Variants in SGCZ observed in about 807,000 individuals in gnomAD.
The protein encoded by SGCZ is zeta-sarcoglycan.
A neutral mutation model predicts 41.3 loss-of-function variants in SGCZ; 40 were observed. That is an observed-to-expected ratio of 0.97 (90% CI 0.75 to 1.26). SGCZ has a LOEUF of 1.26. SGCZ is among the 50% of genes most tolerant of loss of function. The probability of loss-of-function intolerance (pLI) is 0.00; values close to 1 mark genes in which losing one functional copy is unlikely to be tolerated. For synonymous variants in SGCZ, 206 were observed against 137.5 expected (o/e 1.50, Z -3.49); for missense variants, 552 against 369.8 (o/e 1.49, Z -4.04).
intron 1 of SGCZ, among the ~76,000 whole-genome samples, chr8:14,948,553 G>T (rs180744965): frequency 5.3e-5 from 8 of 152,128 alleles, no homozygotes; most frequent in Admixed American, 3.3e-4. Flanking sequence ...AAAAAGCAGA[G>T]CCTGGTAGTC....
chr8:14,882,391 A>C (rs1231793829), intron 1 of SGCZ, among the ~76,000 whole-genome samples: 1 of 152,222 alleles, frequency 6.6e-6, no homozygotes, highest in African/African-American at 2.4e-5. Flanking sequence ...TTTTCACAAC[A>C]TGCCTATCAG....
intron 1 of SGCZ, among the ~76,000 whole-genome samples, chr8:14,777,057 T>G (rs1800426495): frequency 6.6e-6 from 1 of 152,190 alleles, no homozygotes; most frequent in Non-Finnish European, 1.5e-5. Context: ...AATGTATGAA[T>G]CCCAAGTGTG....
intron 1 of SGCZ, among the ~76,000 whole-genome samples, chr8:14,827,767 TAA>T (rs1343360969): frequency 2.6e-5 from 4 of 152,162 alleles, no homozygotes; most frequent in African/African-American, 9.7e-5. Flanking sequence ...TTATATCATT[TAA>T]CTACATGAAA....
At chr8:14,124,384 A>G (rs1172656209) in intron 5 of SGCZ, among the ~76,000 whole-genome samples, 1 of 152,130 alleles carries the variant, frequency 6.6e-6, no homozygotes, top group Non-Finnish European at 1.5e-5. Context: ...TATGTGAAAC[A>G]CACCCACACA....
At chr8:15,148,428 G>A (rs1444725168) in intron 1 of SGCZ, among the ~76,000 whole-genome samples, 1 of 152,144 alleles carries the variant, frequency 6.6e-6, no homozygotes. Context: ...AGTTAAGTGT[G>A]CAGCTGTGTG....
chr8:15,128,029 A>G (rs1057211850), intron 1 of SGCZ, among the ~76,000 whole-genome samples: 2 of 152,208 alleles, frequency 1.3e-5, no homozygotes, highest in Admixed American at 6.5e-5. Context: ...ATGATGTACT[A>G]TGCTATTATT....
chr8:15,043,171 T>G (rs1804172945), intron 1 of SGCZ, among the ~76,000 whole-genome samples: 1 of 152,202 alleles, frequency 6.6e-6, no homozygotes, highest in Non-Finnish European at 1.5e-5. Context: ...AGGATGTTGT[T>G]TGATTTCATT....
chr8:14,616,773 T>C (rs893998773), intron 1 of SGCZ, among the ~76,000 whole-genome samples: 34 of 152,162 alleles, frequency 2.2e-4, no homozygotes, highest in Non-Finnish European at 4.4e-4. Context: ...AATGCCACTG[T>C]AAAACACCCA....
intron 1 of SGCZ, among the ~76,000 whole-genome samples, chr8:14,904,961 C>G (rs1302623758): frequency 1.3e-5 from 2 of 151,826 alleles, no homozygotes; most frequent in Admixed American, 1.3e-4. Flanking sequence ...TATAATGTAT[C>G]TTTGTTATTA....
chr8:14,851,470 T>C (rs1175159570), intron 1 of SGCZ, among the ~76,000 whole-genome samples: 1 of 151,888 alleles, frequency 6.6e-6, no homozygotes, highest in Non-Finnish European at 1.5e-5. Flanking sequence ...TACACTGATA[T>C]TTAACTTTGG....
chr8:15,146,616 T>C (rs183195257), intron 1 of SGCZ, among the ~76,000 whole-genome samples: 36 of 152,362 alleles, frequency 2.4e-4, no homozygotes, highest in Admixed American at 1.4e-3. Context: ...ATAATTTTGT[T>C]TTCTATATGA....
At chr8:14,976,141 G>A (rs59625427) in intron 1 of SGCZ, among the ~76,000 whole-genome samples, 2 of 151,638 alleles carry the variant, frequency 1.3e-5, no homozygotes, top group African/African-American at 4.8e-5. Context: ...TCTCGCCCCA[G>A]CCTCAGAAGT....
At chr8:15,117,208 A>C (rs1387486006) in intron 1 of SGCZ, among the ~76,000 whole-genome samples, 3 of 152,092 alleles carry the variant, frequency 2.0e-5, no homozygotes, top group Admixed American at 1.3e-4. Flanking sequence ...AAATACAAAA[A>C]ATTAGCTGGG....
intron 1 of SGCZ, among the ~76,000 whole-genome samples, chr8:14,688,703 T>A (rs895260763): frequency 6.6e-6 from 1 of 152,110 alleles, no homozygotes; most frequent in African/African-American, 2.4e-5. Context: ...CATATGAACT[T>A]TAAAGTAGTT....
At chr8:14,354,384 CT>C (rs1210256001) in intron 2 of SGCZ, among the ~76,000 whole-genome samples, 2 of 151,696 alleles carry the variant, frequency 1.3e-5, no homozygotes, top group Non-Finnish European at 2.9e-5. Flanking sequence ...TTTTAAAAAA[CT>C]CCTATAATGA....
At chr8:14,436,935 A>C (rs1337209160) in intron 2 of SGCZ, among the ~76,000 whole-genome samples, 1 of 151,484 alleles carries the variant, frequency 6.6e-6, no homozygotes, top group South Asian at 2.1e-4. Context: ...TTTGAGCTCA[A>C]AAACTGGCAG....
chr8:14,287,623 G>A (rs1800686170), intron 3 of SGCZ, among the ~76,000 whole-genome samples: 1 of 152,028 alleles, frequency 6.6e-6, no homozygotes, highest in African/African-American at 2.4e-5. Context: ...AATGAGATAA[G>A]AACTCTTTGA....
At position 14,985,322 on chromosome 8, in the gene SGCZ, C is replaced by G. The variant is rs144214051; in HGVS notation, c.39+252263G>C. 1.5e-4 allele frequency among the ~76,000 whole-genome samples: 23 copies of G among 152,240 alleles called. No homozygotes were observed. In the East Asian group the frequency reaches 4.4e-3, roughly 29 times the overall value. ...GCTGGTGACAGCATTGGTATACTCT[C>G]ATGCCCCGTTTTATACATGAGAAGG... On this transcript the variant is annotated intron_variant, in intron 1 of 7. Transcript: ENST00000382080.
chr8:14,531,450 G>A (rs1267119474), intron 2 of SGCZ, among the ~76,000 whole-genome samples: 1 of 151,900 alleles, frequency 6.6e-6, no homozygotes, highest in Non-Finnish European at 1.5e-5. Flanking sequence ...CCCGCTTGCT[G>A]AGCTACCAGA....
Sources: allele counts gnomAD v4.1 joint callset (sites outside exome capture counted in the v4.1 genomes callset), GRCh38; gene constraint gnomAD v4.1.1; transcripts MANE v1.5; gene names NCBI Gene and HGNC (gene_info 2026-07-23, HGNC 2026-07-21).